GLMN: variants seen among roughly 807,000 people sequenced by gnomAD.
GLMN encodes glomulin, FKBP associated protein, also known as glomulin.
In GLMN, 75 loss-of-function variants were observed where a neutral mutation model predicts 87.8. The observed-to-expected ratio is 0.85, with a 90% CI of 0.71 to 1.04. GLMN has a LOEUF of 1.04. Among genes scored for constraint, GLMN ranks in the 50% least tolerant of loss-of-function variants. The pLI is 0.00. For missense variants in GLMN, 588 were observed against 658.8 expected (o/e 0.89, Z 1.18); for synonymous variants, 206 against 221.6 (o/e 0.93, Z 0.63).
chr1:92,256,904 G>C (rs1433349140), intron 16 of GLMN, among the ~76,000 whole-genome samples: 1 of 110,956 alleles, frequency 9.0e-6, no homozygotes, highest in Admixed American at 9.3e-5. Flanking sequence ...GTTCTGCTCA[G>C]GGCAATCAGG....
chr1:92,315,847 TCCTGATAC>T, the GLMN span, among the ~76,000 whole-genome samples: 1 of 152,144 alleles, frequency 6.6e-6, no homozygotes, highest in African/African-American at 2.4e-5. Flanking sequence ...ACAAAATGTC[TCCTGATAC>T]CCTGTTAGAG....
the GLMN span, chr1:92,323,416 A>C: frequency 7.0e-7 from 1 of 1,428,506 alleles, no homozygotes; most frequent in Non-Finnish European, 9.5e-7. Flanking sequence ...TTTTTTATTT[A>C]GTTATTTTAT....
rs12097184 is a variant in GLMN at position 92,268,313 on chromosome 1, G to A, written c.978-178C>T. Among the ~76,000 whole-genome samples the A allele has an allele frequency of 0.064, 9,742 of 152,106 alleles. 1,091 individuals are homozygous for A. Among genetic ancestry groups the A allele is most frequent in the African/African-American group, 0.22 (9,131 of 41,446 alleles). ...TTAATCCATCTTTGATCTGTCTTTC[G>A]GTTTGGCTAAGGCCACTAAATCTGA... On this transcript the variant is annotated intron_variant, in intron 9 of 18. Transcript: ENST00000370360.
intron 16 of GLMN, among the ~76,000 whole-genome samples, chr1:92,255,415 A>C (rs1654089127): frequency 6.6e-6 from 1 of 152,192 alleles, no homozygotes; most frequent in African/African-American, 2.4e-5. Flanking sequence ...GACCTAACAG[A>C]CATCTACAGA....
At chr1:92,347,204 T>G in the GLMN span, among the ~76,000 whole-genome samples, 8 of 152,208 alleles carry the variant, frequency 5.3e-5, no homozygotes, top group African/African-American at 1.9e-4. Flanking sequence ...GAACAAATCT[T>G]TTGTCATTTC....
At chr1:92,262,328 C>T (rs1035524401) in intron 16 of GLMN, among the ~76,000 whole-genome samples, 1 of 152,108 alleles carries the variant, frequency 6.6e-6, no homozygotes, top group Non-Finnish European at 1.5e-5. Context: ...GACAAATCTC[C>T]CTCAAATAGT....
upstream of GLMN, chr1:92,299,044 G>A (rs1038397933): frequency 1.2e-5 from 16 of 1,365,304 alleles, no homozygotes; most frequent in Admixed American, 7.8e-5. Flanking sequence ...ACGCCGGAGC[G>A]TGTCCCCGTC....
chr1:92,297,978 A>G lies in GLMN; in HGVS notation c.22T>C (p.Ser8Pro). The G allele has an allele frequency of 6.7e-7, 1 of 1,487,120 alleles. No homozygotes were observed. Among genetic ancestry groups the G allele is most frequent in the South Asian group, 1.1e-5 (1 of 88,208 alleles). The allele number at this position is 1,487,120 out of a possible 1,614,324, so 92.1% of individuals were successfully genotyped here. Residue 8 changes from serine to proline, a missense_variant, in exon 2 of 19, where the codon TCT (serine) becomes CCT (proline). Physicochemically the swap from Ser to Pro is moderately conservative, Grantham distance 74. Transcript: ENST00000370360. MAVEELQ[S>P]IIKRCQILEE... is the part of the protein sequence containing the mutation. Reference sequence around the variant, plus strand: ...ATACTTACACATCTCTTTATTATAGACTGAAGTTCCTCTACAGCCATTCTT... The same window carrying G: ...ATACTTACACATCTCTTTATTATAGGCTGAAGTTCCTCTACAGCCATTCTT...
the GLMN span, among the ~76,000 whole-genome samples, chr1:92,330,240 A>G: frequency 6.6e-6 from 1 of 152,220 alleles, no homozygotes; most frequent in South Asian, 2.1e-4. Flanking sequence ...TTCAGAATGA[A>G]GATACCTTGC....
chr1:92,283,561 A>G (rs906612013), intron 7 of GLMN, among the ~76,000 whole-genome samples: 1 of 152,224 alleles, frequency 6.6e-6, no homozygotes, highest in Non-Finnish European at 1.5e-5. Flanking sequence ...AAATGGCACA[A>G]GACAAGGAAG....
the GLMN span, among the ~76,000 whole-genome samples, chr1:92,363,532 C>T: frequency 6.6e-6 from 1 of 152,136 alleles, no homozygotes; most frequent in Non-Finnish European, 1.5e-5. Context: ...GTATGAGGTT[C>T]TCTTCTAAGA....
chr1:92,305,970 C>T, the GLMN span, among the ~76,000 whole-genome samples: 1 of 152,012 alleles, frequency 6.6e-6, no homozygotes, highest in Non-Finnish European at 1.5e-5. Flanking sequence ...ACATGTACAC[C>T]AGCATGTATG....
At chr1:92,311,216 G>A in the GLMN span, among the ~76,000 whole-genome samples, 3 of 152,142 alleles carry the variant, frequency 2.0e-5, no homozygotes, top group Non-Finnish European at 4.4e-5. Flanking sequence ...CTAAGTCTCA[G>A]TTTCCTCATT....
intron 15 of GLMN, 33 bp from the exon 16 acceptor site, chr1:92,262,959 T>C (rs754534331): frequency 1.3e-5 from 11 of 849,634 alleles, no homozygotes; most frequent in Non-Finnish European, 2.2e-5. Context: ...ACTTACAGTA[T>C]GGTTTTATAT....
chr1:92,349,964 A>G, the GLMN span, among the ~76,000 whole-genome samples: 6 of 152,316 alleles, frequency 3.9e-5, no homozygotes, highest in South Asian at 1.2e-3. Flanking sequence ...CATGTAATTT[A>G]TCAATGTATA....
chr1:92,331,415 C>T, the GLMN span, among the ~76,000 whole-genome samples: 1 of 152,096 alleles, frequency 6.6e-6, no homozygotes, highest in Non-Finnish European at 1.5e-5. Flanking sequence ...TTCTGTCTTC[C>T]TTTTCTCTCT....
chr1:92,285,794 G>A lies in GLMN; in HGVS notation c.735+696C>T, dbSNP rs533704541. On this transcript the variant is annotated intron_variant, in intron 7 of 18. Transcript: ENST00000370360. ...CACAGCCACATGGACTTTCTCTTTT[G>A]AAATTCAGAAACATCAACTTAAAAT... Among the ~76,000 whole-genome samples, 385 of 152,128 alleles carry A rather than the reference G, an allele frequency of 2.5e-3. 3 individuals carry two copies. The highest frequency in any genetic ancestry group is 9.3e-3 in the South Asian group (45 of 4,820).
the GLMN span, among the ~76,000 whole-genome samples, chr1:92,305,191 G>C: frequency 6.6e-6 from 1 of 151,888 alleles, no homozygotes; most frequent in Non-Finnish European, 1.5e-5. Flanking sequence ...CCAGCACTTT[G>C]GGAGGCCGAG....
chr1:92,305,006 G>A, the GLMN span, among the ~76,000 whole-genome samples: 2 of 151,956 alleles, frequency 1.3e-5, no homozygotes, highest in South Asian at 4.2e-4. Flanking sequence ...GTGGTGGTAC[G>A]CACCTGTAGT....
Sources: allele counts gnomAD v4.1 joint callset (sites outside exome capture counted in the v4.1 genomes callset), GRCh38; gene constraint gnomAD v4.1.1; transcripts MANE v1.5; gene names NCBI Gene and HGNC (gene_info 2026-07-23, HGNC 2026-07-21).